GRM8: variants seen among roughly 807,000 people sequenced by gnomAD.
GRM8 encodes glutamate metabotropic receptor 8.
A neutral mutation model predicts 87.2 loss-of-function variants in GRM8; 47 were observed. That is an observed-to-expected ratio of 0.54 (90% CI 0.43 to 0.69). GRM8 has a LOEUF of 0.69. Ranked by LOEUF, GRM8 falls within the 30% of genes least tolerant of loss-of-function variation. The pLI is 0.00. For synonymous variants in GRM8, 396 were observed against 404.5 expected (o/e 0.98, Z 0.25); for missense variants, 1,019 against 1,139.2 (o/e 0.89, Z 1.52).
intron 8 of GRM8, among the ~76,000 whole-genome samples, chr7:126,588,386 C>T (rs1796363346): frequency 6.6e-6 from 1 of 152,144 alleles, no homozygotes; most frequent in African/African-American, 2.4e-5. Context: ...GTGTGAAAAG[C>T]AGTTTGCAGA....
intron 6 of GRM8, among the ~76,000 whole-genome samples, chr7:126,854,228 T>C (rs903036607): frequency 1.3e-5 from 2 of 152,220 alleles, no homozygotes; most frequent in Admixed American, 1.3e-4. Context: ...GCCAGTGGAA[T>C]AAAGCCAAAA....
At chr7:126,641,420 G>T (rs577513592) in intron 7 of GRM8, among the ~76,000 whole-genome samples, 46 of 152,192 alleles carry the variant, frequency 3.0e-4, no homozygotes, top group Non-Finnish European at 5.6e-4. Flanking sequence ...CCTTTATTTG[G>T]TAAGAAAGAC....
At chr7:126,889,107 T>A (rs1332464211) in intron 6 of GRM8, among the ~76,000 whole-genome samples, 1 of 152,102 alleles carries the variant, frequency 6.6e-6, no homozygotes, top group Non-Finnish European at 1.5e-5. Flanking sequence ...AGTTTGACAT[T>A]TAAGCTCAAT....
chr7:127,062,431 C>A (rs1159987312), intron 3 of GRM8, among the ~76,000 whole-genome samples: 2 of 152,106 alleles, frequency 1.3e-5, no homozygotes, highest in Non-Finnish European at 2.9e-5. Context: ...TGGAGGAATT[C>A]CAGGAGTCAG....
intron 8 of GRM8, among the ~76,000 whole-genome samples, chr7:126,543,936 G>A (rs576541983): frequency 3.9e-5 from 6 of 152,304 alleles, no homozygotes; most frequent in Middle Eastern, 3.4e-3. Context: ...AGTTGGCAAT[G>A]TATGAAGACA....
At chr7:126,604,286 T>C (rs774433219) in intron 8 of GRM8, among the ~76,000 whole-genome samples, 13 of 152,150 alleles carry the variant, frequency 8.5e-5, no homozygotes, top group Non-Finnish European at 1.8e-4. Context: ...AGGCTACTTT[T>C]TTAAATATCA....
chr7:126,730,363 G>C (rs1455594112), intron 7 of GRM8, among the ~76,000 whole-genome samples: 1 of 152,174 alleles, frequency 6.6e-6, no homozygotes, highest in East Asian at 1.9e-4. Context: ...GTTGGAAAAT[G>C]CCTGAGCAAA....
intron 3 of GRM8, among the ~76,000 whole-genome samples, chr7:126,940,524 T>C (rs558607337): frequency 1.5e-4 from 23 of 152,280 alleles, no homozygotes; most frequent in Admixed American, 1.0e-3. Flanking sequence ...GAGGAGTATG[T>C]AGGTCCAACT....
intron 3 of GRM8, among the ~76,000 whole-genome samples, chr7:127,047,592 G>A (rs368654654): frequency 7.2e-5 from 11 of 152,168 alleles, no homozygotes; most frequent in Admixed American, 5.2e-4. Flanking sequence ...ACTTTAGGAG[G>A]CTGAGGCAGG....
At chr7:127,078,559 G>A (rs563076253) in intron 3 of GRM8, among the ~76,000 whole-genome samples, 5 of 152,276 alleles carry the variant, frequency 3.3e-5, no homozygotes, top group African/African-American at 1.2e-4. Flanking sequence ...GATGATGCAC[G>A]GTACAGCCTT....
intron 9 of GRM8, among the ~76,000 whole-genome samples, chr7:126,456,303 G>A (rs899834464): frequency 1.3e-5 from 2 of 151,216 alleles, no homozygotes; most frequent in Non-Finnish European, 3.0e-5. Flanking sequence ...CCCAGGTAAC[G>A]TACTGATTCT....
chr7:127,185,383 T>C (rs1794679199), intron 2 of GRM8, among the ~76,000 whole-genome samples: 1 of 152,032 alleles, frequency 6.6e-6, no homozygotes, highest in Non-Finnish European at 1.5e-5. Context: ...TTTCAACAAA[T>C]GCCATGGGAA....
chr7:126,562,555 A>G (rs983631345), intron 8 of GRM8, among the ~76,000 whole-genome samples: 4 of 152,250 alleles, frequency 2.6e-5, no homozygotes, highest in Non-Finnish European at 4.4e-5. Context: ...ATATAATCTA[A>G]GAATCTAAAT....
intron 6 of GRM8, among the ~76,000 whole-genome samples, chr7:126,862,817 C>T (rs561826906): frequency 9.2e-5 from 14 of 151,832 alleles, no homozygotes; most frequent in African/African-American, 2.9e-4. Flanking sequence ...TTTTTTATTT[C>T]TCATATTGCC....
chr7:127,156,825 A>T (rs1018473867), intron 2 of GRM8, among the ~76,000 whole-genome samples: 1 of 152,190 alleles, frequency 6.6e-6, no homozygotes, highest in African/African-American at 2.4e-5. Flanking sequence ...AGGAACAAGA[A>T]GTTATAAAAA....
At chr7:126,639,320 C>G (rs554388704) in intron 7 of GRM8, among the ~76,000 whole-genome samples, 1 of 152,148 alleles carries the variant, frequency 6.6e-6, no homozygotes, top group Non-Finnish European at 1.5e-5. Flanking sequence ...CATCCCCTGG[C>G]ATAGTGCCTT....
intron 6 of GRM8, among the ~76,000 whole-genome samples, chr7:126,797,405 T>C (rs1218186927): frequency 1.3e-5 from 2 of 152,140 alleles, no homozygotes; most frequent in East Asian, 3.8e-4. Context: ...CAAAATAGCA[T>C]ATATTCTTGT....
At chr7:126,950,441 A>G (rs1044369400) in intron 3 of GRM8, among the ~76,000 whole-genome samples, 5 of 152,132 alleles carry the variant, frequency 3.3e-5, no homozygotes, top group East Asian at 1.9e-4. Flanking sequence ...ATTAACAGCA[A>G]CTTTCTCTGG....
chr7:127,178,665 C>T (rs983615477), intron 2 of GRM8, among the ~76,000 whole-genome samples: 3 of 152,194 alleles, frequency 2.0e-5, no homozygotes, highest in Non-Finnish European at 4.4e-5. Flanking sequence ...CTGGAGAAAC[C>T]CTACAAGCTA....
Sources: gnomAD v4.1 joint callset for allele counts (sites outside exome capture counted in the v4.1 genomes callset) on GRCh38, gnomAD v4.1.1 for gene constraint, MANE v1.5 for transcripts, NCBI Gene and HGNC (gene_info 2026-07-23, HGNC 2026-07-21) for gene names.